Variants in LHFPL3 observed in about 807,000 individuals in gnomAD.
LHFPL3 encodes LHFPL tetraspan subfamily member 3.
Under a neutral mutation model 19.3 loss-of-function variants are expected in LHFPL3, and 5 were observed. The ratio of observed to expected loss-of-function variants is 0.26; its 90% CI spans 0.14 to 0.54. The LOEUF (loss-of-function observed/expected upper bound fraction) is 0.54, where lower values mean the gene tolerates loss of function less well. LHFPL3 is among the 20% of genes least tolerant of loss of function. The pLI is 0.94. For missense variants in LHFPL3, 249 were observed against 307.4 expected, an observed-to-expected ratio of 0.81 and a Z score of 1.42; for synonymous variants, 133 against 126.2, an observed-to-expected ratio of 1.05 and a Z score of -0.36.
chr7:104,575,736 C>G (rs998555721), intron 1 of LHFPL3, among the ~76,000 whole-genome samples: 5 of 152,034 alleles, frequency 3.3e-5, no homozygotes, highest in African/African-American at 1.2e-4. Context: ...ACCTCCACCT[C>G]TCCGGGCTCA....
chr7:104,736,854 G>C lies in LHFPL3; in HGVS notation c.625G>C (p.Val209Leu). 3.7e-6 allele frequency: 6 copies of C among 1,612,548 alleles called. No homozygotes were observed. Among genetic ancestry groups the C allele is most frequent in the Non-Finnish European group, 5.1e-6 (6 of 1,179,366 alleles). Residue 209 changes from valine to leucine, a missense_variant, in exon 2 of 3, where the codon GTG becomes CTG. Coordinates refer to ENST00000424859, the MANE Select transcript of LHFPL3 (RefSeq NM_199000.3). ...CCTGATCCTCTCATTTCTAGCATTTGTGCTTGGTAATCGACAAGACAGCTT... is the reference window on the plus strand; with the variant it reads ...CCTGATCCTCTCATTTCTAGCATTTCTGCTTGGTAATCGACAAGACAGCTT... The part of the protein sequence containing the change: ...DALILSFLAF[V>L]LGNRQDSLMA...
At chr7:104,402,144 G>C (rs1002043374) in intron 1 of LHFPL3, among the ~76,000 whole-genome samples, 8 of 151,060 alleles carry the variant, frequency 5.3e-5, no homozygotes, top group Admixed American at 4.0e-4. Flanking sequence ...CAAGTCATGA[G>C]TAGTTTTGGA....
intron 2 of LHFPL3, among the ~76,000 whole-genome samples, chr7:104,794,976 A>G (rs2116456981): frequency 6.6e-6 from 1 of 152,330 alleles, no homozygotes; most frequent in South Asian, 2.1e-4. Flanking sequence ...AAATAATAAT[A>G]ATCCAACTAG....
intron 1 of LHFPL3, among the ~76,000 whole-genome samples, chr7:104,335,545 C>T (rs965207022): frequency 6.6e-6 from 1 of 152,178 alleles, no homozygotes; most frequent in East Asian, 1.9e-4. Context: ...TTTAAGAAAA[C>T]ATCTGTGAAA....
chr7:104,668,837 C>A, intron 1 of LHFPL3: 1 of 1,611,788 alleles, frequency 6.2e-7, no homozygotes, highest in Non-Finnish European at 8.5e-7. Context: ...AGGGGCAAAG[C>A]CTGTTGACAC....
At chr7:104,515,556 G>C (rs927484304) in intron 1 of LHFPL3, among the ~76,000 whole-genome samples, 2 of 152,068 alleles carry the variant, frequency 1.3e-5, no homozygotes, top group African/African-American at 4.8e-5. Context: ...CCTCCAAGTT[G>C]TATTATTTTT....
At chr7:104,518,707 A>T (rs911682434) in intron 1 of LHFPL3, among the ~76,000 whole-genome samples, 9 of 152,192 alleles carry the variant, frequency 5.9e-5, no homozygotes, top group African/African-American at 2.4e-5. Flanking sequence ...TCACTTGAAC[A>T]TGGGAGGTGG....
chr7:104,674,254 A>G (rs1034967587), intron 1 of LHFPL3, among the ~76,000 whole-genome samples: 3 of 134,796 alleles, frequency 2.2e-5, no homozygotes, highest in Non-Finnish European at 4.7e-5. Flanking sequence ...ATATAGCAAA[A>G]GAGATCCCAA....
intron 1 of LHFPL3, among the ~76,000 whole-genome samples, chr7:104,546,601 A>G (rs531694982): frequency 1.5e-4 from 23 of 152,322 alleles, no homozygotes; most frequent in African/African-American, 5.3e-4. Context: ...TTGTAGTACA[A>G]ATTGTTACTA....
At chr7:104,505,326 T>C (rs1417123977) in intron 1 of LHFPL3, among the ~76,000 whole-genome samples, 2 of 152,188 alleles carry the variant, frequency 1.3e-5, no homozygotes. Context: ...CACATTCAAA[T>C]GAGATATGGA....
intron 1 of LHFPL3, among the ~76,000 whole-genome samples, chr7:104,718,321 G>C (rs1793429302): frequency 1.3e-5 from 2 of 152,118 alleles, no homozygotes; most frequent in Non-Finnish European, 2.9e-5. Context: ...AAAATTAAGG[G>C]GGAAAAAAGC....
intron 1 of LHFPL3, among the ~76,000 whole-genome samples, chr7:104,358,724 T>C (rs1324821039): frequency 2.6e-5 from 4 of 152,218 alleles, no homozygotes; most frequent in Non-Finnish European, 4.4e-5. Context: ...ATCTCTGGCC[T>C]GTCAGAAACA....
chr7:104,552,041 G>C (rs897084657), intron 1 of LHFPL3, among the ~76,000 whole-genome samples: 1 of 152,124 alleles, frequency 6.6e-6, no homozygotes, highest in Non-Finnish European at 1.5e-5. Context: ...GGCCTGGCTG[G>C]GTTCGATTTC....
rs538707944 is a variant in LHFPL3 at position 104,565,003 on chromosome 7, T to G, written c.446-171672T>G. Among the ~76,000 whole-genome samples the G allele has an allele frequency of 4.6e-5, 7 of 152,280 alleles. No individual in the cohort carries two copies. In the East Asian group the frequency reaches 1.4e-3, roughly 29 times the overall value. Reference sequence around the variant, plus strand: ...ATCCTGAAATGTAAGCCAAAAGAAGTCAGTGATGGAATCTTGTGAACCTGG... The same window carrying G: ...ATCCTGAAATGTAAGCCAAAAGAAGGCAGTGATGGAATCTTGTGAACCTGG... On this transcript the variant is annotated intron_variant, in intron 1 of 2. Transcript: ENST00000424859.
chr7:104,580,830 AT>A (rs938622308), intron 1 of LHFPL3, among the ~76,000 whole-genome samples: 7 of 151,930 alleles, frequency 4.6e-5, no homozygotes, highest in African/African-American at 1.7e-4. Context: ...ACTCAGCATA[AT>A]TTTTTTAGAT....
intron 1 of LHFPL3, among the ~76,000 whole-genome samples, chr7:104,556,293 G>A (rs1163920195): frequency 6.6e-6 from 1 of 152,206 alleles, no homozygotes; most frequent in African/African-American, 2.4e-5. Flanking sequence ...TTCTCCATGA[G>A]GGTCCCCCCC....
intron 1 of LHFPL3, among the ~76,000 whole-genome samples, chr7:104,614,588 T>TCTC (rs1196342581): frequency 2.6e-4 from 34 of 129,154 alleles, no homozygotes; most frequent in Non-Finnish European, 5.2e-4. Flanking sequence ...TCTTCTCTTC[T>TCTC]CTCTCTTCTC....
At chr7:104,906,163 C>G in intron 2 of LHFPL3, 24 bp from the exon 3 acceptor site, 2 of 1,606,722 alleles carry the variant, frequency 1.2e-6, no homozygotes, top group Non-Finnish European at 1.7e-6. Flanking sequence ...CCCTTTTTCT[C>G]TCTCTTCCCT....
intron 2 of LHFPL3, among the ~76,000 whole-genome samples, chr7:104,834,141 G>C (rs868428075): frequency 5.3e-5 from 8 of 151,144 alleles, no homozygotes; most frequent in African/African-American, 2.0e-4. Context: ...GTGCCCTCCA[G>C]ATTAAGGGTG....
Sources: allele counts gnomAD v4.1 joint callset (sites outside exome capture counted in the v4.1 genomes callset), GRCh38; gene constraint gnomAD v4.1.1; transcripts MANE v1.5; gene names NCBI Gene and HGNC (gene_info 2026-07-23, HGNC 2026-07-21).